Variants in CSF2RB observed in about 807,000 individuals in gnomAD.
The protein encoded by CSF2RB is cytokine receptor common subunit beta.
CSF2RB carries 22 observed loss-of-function variants against 67.2 expected under a neutral mutation model. That is an observed-to-expected ratio of 0.33 (90% CI 0.23 to 0.47). CSF2RB has a LOEUF of 0.47. Among genes scored for constraint, CSF2RB ranks in the 20% least tolerant of loss-of-function variants. CSF2RB has a pLI of 1.00. For missense variants in CSF2RB, 1,113 were observed against 1,174.5 expected (o/e 0.95, Z 0.76); for synonymous variants, 507 against 482.9 (o/e 1.05, Z -0.65).
In CSF2RB at chr22:36,929,788, T is replaced by G. The variant is rs770358540; in HGVS notation, c.699T>G (p.Val233=). ...SGRPSKWSPE[V]CWDSQPGDEA... is the part of the protein sequence containing the mutation. ...GTCCCAGCAAGTGGAGCCCAGAGGTTTGCTGGGACTCCCAGCCAGGTAATG... is the reference window on the plus strand; with the variant it reads ...GTCCCAGCAAGTGGAGCCCAGAGGTGTGCTGGGACTCCCAGCCAGGTAATG... The change falls in exon 6 of 14, where the codon GTT becomes GTG. Residue 233 remains valine, a synonymous_variant. Coordinates refer to ENST00000403662, the MANE Select transcript of CSF2RB (RefSeq NM_000395.3). 1.9e-5 allele frequency: 31 copies of G among 1,613,900 alleles called. No individual in the cohort carries two copies. The South Asian group carries it at 2.1e-4, about 11-fold the overall frequency.
In CSF2RB at chr22:36,937,511, G is replaced by C; in HGVS notation, c.1703G>C (p.Ser568Thr). 1 of 1,613,804 alleles carries C rather than the reference G, an allele frequency of 6.2e-7. No individual in the cohort carries two copies. The highest frequency in any genetic ancestry group is 8.5e-7 in the Non-Finnish European group (1 of 1,179,926). ...GATCTACCCACAGAGCAGCCCCCCA[G>C]CCCCCAGCCAGGCCCGCCTGCCGCC... ...ASDLPTEQPP[S>T]PQPGPPAASH... The change falls in exon 14 of 14, where the codon AGC becomes ACC. Residue 568 changes from serine to threonine, a missense_variant. Ser to Thr is a moderately conservative substitution (Grantham distance 58). This residue lies in a region of CSF2RB where 554 missense variants were observed against 517.9 expected (regional missense o/e 1.07). Coordinates refer to ENST00000403662, the MANE Select transcript of CSF2RB (RefSeq NM_000395.3). The surrounding 1 kb of genome is among the most constrained non-coding windows in gnomAD (Gnocchi z 4.6).
At position 36,929,702 on chromosome 22, in the gene CSF2RB, A is replaced by G. The variant is rs367927682; in HGVS notation, c.613A>G (p.Ser205Gly). The change falls in exon 6 of 14, where the codon AGC (serine) becomes GGC (glycine). Residue 205 changes from serine to glycine, a missense_variant. Physicochemically the swap from Ser to Gly is moderately conservative, Grantham distance 56 (BLOSUM62 0). This residue lies in a region of CSF2RB where 559 missense variants were observed against 656.5 expected (regional missense o/e 0.85). Transcript: ENST00000403662. ...CCTGGGGCCAGAGCACCTCATGCCC[A>G]GCAGCACCTACGTGGCCCGAGTACG... is the stretch of plus-strand genomic sequence containing the variant. Reference protein sequence around the residue: ...ATLGPEHLMPSSTYVARVRTR... With the variant: ...ATLGPEHLMPGSTYVARVRTR... 38 of 1,614,068 alleles carry G rather than the reference A, an allele frequency of 2.4e-5. No homozygotes were observed. Among genetic ancestry groups the G allele is most frequent in the Admixed American group, 3.3e-5 (2 of 60,008 alleles).
intron 8 of CSF2RB, among the ~76,000 whole-genome samples, chr22:36,931,754 G>C (rs1018005221): frequency 6.6e-6 from 1 of 152,162 alleles, no homozygotes; most frequent in African/African-American, 2.4e-5. Context: ...GGGTCTGCCG[G>C]CCAGGTGGGA....
intron 8 of CSF2RB, 89 bp from the exon 9 acceptor site, chr22:36,932,676 A>G (rs1941172438): frequency 1.3e-6 from 2 of 1,488,448 alleles, no homozygotes; most frequent in East Asian, 4.7e-5. Context: ...GTGCCAGTGG[A>G]GACAGCCCCA....
chr22:36,921,992 G>A (rs1345709386), intron 1 of CSF2RB, 44 bp from the exon 2 acceptor site: 8 of 598,720 alleles, frequency 1.3e-5, no homozygotes, highest in Admixed American at 2.8e-5. Context: ...CCTGGGACAC[G>A]TGGAAGGGGA....
At chr22:36,918,340 A>G (rs538571278) in intron 1 of CSF2RB, among the ~76,000 whole-genome samples, 3 of 152,238 alleles carry the variant, frequency 2.0e-5, no homozygotes, top group Non-Finnish European at 4.4e-5. Context: ...TTTTCAAGAC[A>G]TCTATTTAAA....
At chr22:36,924,133 A>G (rs1338580705) in intron 3 of CSF2RB, among the ~76,000 whole-genome samples, 1 of 128,402 alleles carries the variant, frequency 7.8e-6, no homozygotes, top group Admixed American at 8.7e-5. Context: ...CACCGCCTTC[A>G]GTTCTCCAGG....
Position 36,939,284 on chromosome 22 carries a change from C to T in CSF2RB, c.*782C>T, listed in dbSNP as rs1803. 0.21 allele frequency: 144,325 copies of T among 701,632 alleles called. 20,254 individuals carry two copies. Among genetic ancestry groups the T allele is most frequent in the African/African-American group, 0.58 (33,285 of 57,242 alleles). The allele number at this position is 701,632 out of a possible 1,614,324, so 43.5% of individuals were successfully genotyped here. On this transcript the variant is annotated 3_prime_UTR_variant, in exon 14 of 14. Coordinates refer to ENST00000403662, the MANE Select transcript of CSF2RB (RefSeq NM_000395.3). ...ACGGCCCAAGTGGTGGGCAGGCTGG[C>T]GGGACCTGGGGAACATCAGGAGAGG...
At position 36,933,835 on chromosome 22, in the gene CSF2RB, A is replaced by G; in HGVS notation, c.1156A>G (p.Ser386Gly). 2 of 1,607,078 alleles carry G rather than the reference A, an allele frequency of 1.2e-6. No homozygotes were observed. The highest frequency in any genetic ancestry group is 1.7e-6 in the Non-Finnish European group (2 of 1,179,148). Residue 386 changes from serine to glycine, a missense_variant, in exon 10 of 14, where the codon AGC (serine) becomes GGC (glycine). By Grantham distance (56) the Ser-to-Gly change is moderately conservative. Transcript: ENST00000403662. ...YRKDTATWKD[S>G]KTETLQNAHS... ...CACCCTCAGTGCCAACCCACAGGAC[A>G]GCAAGACCGAGACCCTCCAGAACGC... is the stretch of plus-strand genomic sequence containing the variant.
chr22:36,920,801 A>G (rs1412261725), intron 1 of CSF2RB, among the ~76,000 whole-genome samples: 1 of 152,232 alleles, frequency 6.6e-6, no homozygotes, highest in Non-Finnish European at 1.5e-5. Context: ...ATTTAAATTT[A>G]TAATTAACTT....
chr22:36,924,374 C>T (rs573947835), intron 3 of CSF2RB, among the ~76,000 whole-genome samples: 13 of 152,014 alleles, frequency 8.6e-5, no homozygotes, highest in African/African-American at 2.7e-4. Flanking sequence ...AACATCACGG[C>T]CCCCAAGTCC....
chr22:36,914,554 C>T (rs150984814), intron 1 of CSF2RB, among the ~76,000 whole-genome samples: 175 of 152,120 alleles, frequency 1.2e-3, no homozygotes, highest in African/African-American at 3.8e-3. Flanking sequence ...TCTGGGGTGC[C>T]TGCTTCAGGG....
intron 1 of CSF2RB, among the ~76,000 whole-genome samples, chr22:36,917,862 G>A (rs1940760018): frequency 6.6e-6 from 1 of 152,052 alleles, no homozygotes; most frequent in Admixed American, 6.5e-5. Context: ...GGCAGAGATT[G>A]CAGTGAGCCG....
chr22:36,929,468 G>A lies in CSF2RB; in HGVS notation c.458G>A (p.Ser153Asn), dbSNP rs1294229588. The stretch of plus-strand genomic sequence containing the variant: ...CAGGACCACTTCCTGCTGACCTGGA[G>A]TGTGGCCCTTGGGAGTCCCCAGAGC... ...TDQDHFLLTW[S>N]VALGSPQSHW... Residue 153 changes from serine to asparagine, a missense_variant, in exon 5 of 14, where the codon AGT becomes AAT. Coordinates refer to ENST00000403662, the MANE Select transcript of CSF2RB (RefSeq NM_000395.3). 1.2e-6 allele frequency: 2 copies of A among 1,614,208 alleles called. No individual in the cohort carries two copies. Among genetic ancestry groups the A allele is most frequent in the Non-Finnish European group, 1.7e-6 (2 of 1,180,042 alleles).
chr22:36,932,795 C>A lies in CSF2RB; in HGVS notation c.1043C>A (p.Thr348Asn), dbSNP rs1045760421. The change falls in exon 9 of 14, where the codon ACC becomes AAC. Residue 348 changes from threonine to asparagine, a missense_variant. Around this residue, in one of 2 missense-constraint regions of CSF2RB, gnomAD observed 559 missense variants for 656.5 expected, o/e 0.85. Coordinates refer to ENST00000403662, the MANE Select transcript of CSF2RB (RefSeq NM_000395.3). ...ATGGCCCCTCCATCCCTCAACGTGA[C>A]CAAGGATGGAGACAGCTACAGCCTG... ...IQMAPPSLNVTKDGDSYSLRW... is the reference protein window; with the variant it reads ...IQMAPPSLNVNKDGDSYSLRW... 3 of 1,613,856 alleles carry A rather than the reference C, an allele frequency of 1.9e-6. No individual in the cohort carries two copies. Among genetic ancestry groups the A allele is most frequent in the Non-Finnish European group, 2.5e-6 (3 of 1,179,990 alleles).
chr22:36,917,278 CATG>C (rs1267491683), intron 1 of CSF2RB, among the ~76,000 whole-genome samples: 1 of 152,082 alleles, frequency 6.6e-6, no homozygotes, highest in Non-Finnish European at 1.5e-5. Flanking sequence ...TCTACTTGGC[CATG>C]ATGTCTTCTT....
intron 4 of CSF2RB, among the ~76,000 whole-genome samples, chr22:36,929,057 C>T (rs114014102): frequency 1.3e-5 from 2 of 152,184 alleles, no homozygotes; most frequent in African/African-American, 2.4e-5. Context: ...GCCGCTGAAC[C>T]GCAGGCCCCT....
rs1222722778 is a variant in CSF2RB at position 36,929,821 on chromosome 22, A to G, written c.718+14A>G. 6.2e-7 allele frequency: 1 copy of G among 1,612,486 alleles called. No individual in the cohort carries two copies. Among genetic ancestry groups the G allele is most frequent in the Non-Finnish European group, 8.5e-7 (1 of 1,179,494 alleles). ...ACTCCCAGCCAGGTAATGTTGCCAG[A>G]GCCCAGGAAATGCCCCGTGGTGGGA... On this transcript the variant is annotated intron_variant, in intron 6 of 13. Transcript: ENST00000403662.
In CSF2RB at chr22:36,931,040, C is replaced by T. The variant is rs1421049837; in HGVS notation, c.1012+210C>T. 1.3e-5 allele frequency among the ~76,000 whole-genome samples: 2 copies of T among 152,226 alleles called. 1 individual carries two copies. The highest frequency in any genetic ancestry group is 4.1e-4 in the South Asian group (2 of 4,826). The stretch of plus-strand genomic sequence containing the variant: ...GGAGCAGATCTTTAAAACCTCTGAT[C>T]TCTTGTCCTTTTCTTCTGCTTCCCT... On this transcript the variant is annotated intron_variant, in intron 8 of 13. Transcript: ENST00000403662.
Sources: gnomAD v4.1 joint callset for allele counts (sites outside exome capture counted in the v4.1 genomes callset) on GRCh38, gnomAD v4.1.1 for gene constraint, gnomAD v4.1.1 regional missense constraint, Gnocchi (gnomAD v3.1) non-coding constraint, MANE v1.5 for transcripts, NCBI Gene and HGNC (gene_info 2026-07-23, HGNC 2026-07-21) for gene names.